Variants in BABAM2 observed in about 807,000 individuals in gnomAD.
The protein encoded by BABAM2 is BRISC and BRCA1-A complex member 2.
Under a neutral mutation model 54.7 loss-of-function variants are expected in BABAM2, and 31 were observed. That is an observed-to-expected ratio of 0.57 (90% CI 0.43 to 0.77). The LOEUF is 0.77. Among genes scored for constraint, BABAM2 ranks in the 30% least tolerant of loss-of-function variants. The pLI is 0.00. For missense variants in BABAM2, 364 were observed against 455.8 expected, an observed-to-expected ratio of 0.80 and a Z score of 1.83; for synonymous variants, 167 against 162.9, an observed-to-expected ratio of 1.03 and a Z score of -0.19.
At chr2:27,915,890 A>G (rs764027606) in intron 2 of BABAM2, among the ~76,000 whole-genome samples, 2 of 151,500 alleles carry the variant, frequency 1.3e-5, no homozygotes, top group Middle Eastern at 3.4e-3. Flanking sequence ...CCATCTCCCT[A>G]TCTCCCCATC....
chr2:28,282,464 A>C (rs900433067), intron 10 of BABAM2, among the ~76,000 whole-genome samples: 1 of 152,212 alleles, frequency 6.6e-6, no homozygotes, highest in South Asian at 2.1e-4. Context: ...AGCTCTTTCC[A>C]CAATGTCAGA....
chr2:28,080,568 T>C (rs2337698), intron 6 of BABAM2, among the ~76,000 whole-genome samples: 2,844 of 152,264 alleles, frequency 0.019, 47 homozygotes, highest in Middle Eastern at 0.031. Context: ...CTTTTTTTGG[T>C]GATGGCTGTT....
intron 7 of BABAM2, among the ~76,000 whole-genome samples, chr2:28,175,986 A>G (rs1244788348): frequency 6.6e-6 from 1 of 152,232 alleles, no homozygotes; most frequent in Non-Finnish European, 1.5e-5. Context: ...GGCTGAAGAA[A>G]TAATACAGAA....
At chr2:28,004,328 C>T (rs1341233135) in intron 4 of BABAM2, among the ~76,000 whole-genome samples, 1 of 152,090 alleles carries the variant, frequency 6.6e-6, no homozygotes, top group Non-Finnish European at 1.5e-5. Flanking sequence ...GGTTTCTAGC[C>T]TTGAATTGAC....
In BABAM2 at chr2:28,020,640, GTTA is replaced by G. The variant is rs1675175412; in HGVS notation, c.301-4583_301-4581del. 2.6e-5 allele frequency among the ~76,000 whole-genome samples: 4 copies of G among 151,986 alleles called. 1 individual carries two copies. The South Asian group carries it at 8.3e-4, about 32-fold the overall frequency. On this transcript the variant is annotated intron_variant, in intron 4 of 11. Coordinates refer to ENST00000379624, the MANE Select transcript of BABAM2 (RefSeq NM_199191.3). ...GTGTTTTAACAAAAGTATTTTCTGTGTTATTGCAATTGTTTCTGTGCTATTGTA... is the reference window on the plus strand; with the variant it reads ...GTGTTTTAACAAAAGTATTTTCTGTGTTGCAATTGTTTCTGTGCTATTGTA...
At chr2:27,958,601 T>C (rs917698495) in intron 3 of BABAM2, among the ~76,000 whole-genome samples, 2 of 151,774 alleles carry the variant, frequency 1.3e-5, no homozygotes, top group African/African-American at 4.8e-5. Context: ...TTTTTTAATT[T>C]TTATTTTTTA....
chr2:28,010,475 C>G (rs1057140387), intron 4 of BABAM2, among the ~76,000 whole-genome samples: 1 of 152,100 alleles, frequency 6.6e-6, no homozygotes, highest in Non-Finnish European at 1.5e-5. Flanking sequence ...CAAATCTATA[C>G]TTTTGGTTGA....
chr2:28,211,286 A>G (rs909833862), intron 7 of BABAM2, among the ~76,000 whole-genome samples: 1 of 152,158 alleles, frequency 6.6e-6, no homozygotes, highest in Admixed American at 6.5e-5. Context: ...TCAAGCATAC[A>G]TAGAACAAGA....
intron 7 of BABAM2, among the ~76,000 whole-genome samples, chr2:28,181,072 A>G (rs1168116190): frequency 6.6e-6 from 1 of 152,180 alleles, no homozygotes; most frequent in Non-Finnish European, 1.5e-5. Flanking sequence ...AAAACTGGAA[A>G]TAGAACTTCC....
chr2:28,231,009 C>T (rs1230705530), intron 7 of BABAM2, among the ~76,000 whole-genome samples: 4 of 152,102 alleles, frequency 2.6e-5, no homozygotes. Flanking sequence ...TGAAAGAATT[C>T]CTAATGAAAA....
intron 5 of BABAM2, among the ~76,000 whole-genome samples, chr2:28,028,628 TTGAATGAA>T (rs919530667): frequency 3.3e-5 from 5 of 152,152 alleles, no homozygotes; most frequent in African/African-American, 1.2e-4. Context: ...ATAAACGTTT[TTGAATGAA>T]TGAATGAATG....
chr2:28,074,569 C>T (rs141861598), intron 6 of BABAM2, among the ~76,000 whole-genome samples: 1 of 152,288 alleles, frequency 6.6e-6, no homozygotes, highest in African/African-American at 2.4e-5. Flanking sequence ...GTGAATAAAA[C>T]AGGGTTTTTA....
intron 2 of BABAM2, among the ~76,000 whole-genome samples, chr2:27,906,973 TA>T (rs1418100159): frequency 6.6e-6 from 1 of 152,194 alleles, no homozygotes; most frequent in Non-Finnish European, 1.5e-5. Context: ...TTAATATGCA[TA>T]TACATTTGTT....
At chr2:28,127,762 T>G (rs547359083) in intron 6 of BABAM2, among the ~76,000 whole-genome samples, 1 of 151,246 alleles carries the variant, frequency 6.6e-6, no homozygotes, top group Admixed American at 6.6e-5. Flanking sequence ...CAAAAGACAT[T>G]GTATTTGAGG....
At chr2:27,918,319 G>A in intron 2 of BABAM2, among the ~76,000 whole-genome samples, 1 of 152,112 alleles carries the variant, frequency 6.6e-6, no homozygotes. Context: ...CCTCATGTAA[G>A]TGGAATCATA....
chr2:28,001,874 C>T (rs1362649382), intron 4 of BABAM2, among the ~76,000 whole-genome samples: 1 of 152,056 alleles, frequency 6.6e-6, no homozygotes, highest in East Asian at 1.9e-4. Context: ...CACCAGGCCC[C>T]ACCTCCAACA....
intron 6 of BABAM2, among the ~76,000 whole-genome samples, chr2:28,105,003 C>T (rs1384736838): frequency 7.0e-6 from 1 of 142,954 alleles, no homozygotes; most frequent in Non-Finnish European, 1.5e-5. Flanking sequence ...AACACTTGGA[C>T]ACAGGAAGGG....
intron 3 of BABAM2, among the ~76,000 whole-genome samples, chr2:27,964,362 G>A (rs1332759888): frequency 6.6e-6 from 1 of 152,272 alleles, no homozygotes; most frequent in Admixed American, 6.5e-5. Flanking sequence ...TTCTGTGATA[G>A]TAACACAAAA....
intron 10 of BABAM2, among the ~76,000 whole-genome samples, chr2:28,251,865 G>A (rs577763791): frequency 4.6e-4 from 70 of 152,238 alleles, no homozygotes; most frequent in African/African-American, 1.6e-3. Flanking sequence ...CAGACATAAA[G>A]ATTCTTAGTT....
Sources: allele counts gnomAD v4.1 joint callset (sites outside exome capture counted in the v4.1 genomes callset), GRCh38; gene constraint gnomAD v4.1.1; transcripts MANE v1.5; gene names NCBI Gene and HGNC (gene_info 2026-07-23, HGNC 2026-07-21).